Variants in SMYD3 observed in about 807,000 individuals in gnomAD.
SMYD3 encodes the protein histone-lysine N-methyltransferase SMYD3.
SMYD3 carries 36 observed loss-of-function variants against 57.7 expected under a neutral mutation model. The ratio of observed to expected loss-of-function variants is 0.62; its 90% confidence interval spans 0.48 to 0.82. The LOEUF is 0.82. Ranked by LOEUF, SMYD3 falls within the 40% of genes least tolerant of loss-of-function variation. The probability of loss-of-function intolerance (pLI) is 0.00; values close to 1 mark genes in which losing one functional copy is unlikely to be tolerated. For missense variants in SMYD3, 515 were observed against 538.8 expected, an observed-to-expected ratio of 0.96 and a Z score of 0.44; for synonymous variants, 211 against 195.0, an observed-to-expected ratio of 1.08 and a Z score of -0.68.
intron 10 of SMYD3, among the ~76,000 whole-genome samples, chr1:245,775,689 A>T (rs567619425): frequency 1.3e-5 from 2 of 150,992 alleles, no homozygotes; most frequent in East Asian, 3.9e-4. Flanking sequence ...CTCTCCGAGA[A>T]ACACCCAAGA....
intron 1 of SMYD3, among the ~76,000 whole-genome samples, chr1:246,363,306 A>G (rs2066036243): frequency 6.7e-6 from 1 of 148,516 alleles, no homozygotes; most frequent in Non-Finnish European, 1.5e-5. Flanking sequence ...TGGGGGGGTC[A>G]GCCCCCCGCC....
At chr1:246,502,654 T>C (rs2068475482) in intron 1 of SMYD3, among the ~76,000 whole-genome samples, 1 of 152,138 alleles carries the variant, frequency 6.6e-6, no homozygotes, top group African/African-American at 2.4e-5. Flanking sequence ...CCCTCCAAGG[T>C]CTTATCGGAC....
intron 5 of SMYD3, among the ~76,000 whole-genome samples, chr1:246,318,705 T>C (rs1023649503): frequency 1.3e-5 from 2 of 152,220 alleles, no homozygotes; most frequent in African/African-American, 4.8e-5. Flanking sequence ...TGGCAAGTTA[T>C]ACACTTAAAT....
In SMYD3 at chr1:246,168,731, C is replaced by A. The variant is rs190617905; in HGVS notation, c.531+158470G>T. ...TGCCCACACACAAAAATTCGTTGCACCCGGAGGAATCATGTCAAGCAGTCC... is the reference window on the plus strand; with the variant it reads ...TGCCCACACACAAAAATTCGTTGCAACCGGAGGAATCATGTCAAGCAGTCC... On this transcript the variant is annotated intron_variant, in intron 5 of 11. Transcript: ENST00000490107. Among the ~76,000 whole-genome samples the A allele has an allele frequency of 6.9e-4, 105 of 152,214 alleles. No homozygotes were observed. In the East Asian group the frequency reaches 0.02, roughly 29 times the overall value.
rs747136156 is a variant in SMYD3, at chr1:245,858,580, A to G, written c.992T>C (p.Leu331Pro). The change falls in exon 10 of 12, where the codon CTC becomes CCC. Residue 331 changes from leucine (L) to proline (P), a missense_variant. By Grantham distance (98) the Leu-to-Pro change is moderately conservative. Transcript: ENST00000490107. ...GATGCAGGCATCCATGGCGCAGTCG[A>G]GCACCTTCAGCTGGTAGATGTTGAT... The part of the protein sequence containing the change: ...PDINIYQLKV[L>P]DCAMDACINL... 6.2e-7 allele frequency: 1 copy of G among 1,614,216 alleles called. No homozygotes were observed. The highest frequency in any genetic ancestry group is 1.3e-5 in the African/African-American group (1 of 75,066).
chr1:246,462,923 G>C (rs2067824776), intron 1 of SMYD3, among the ~76,000 whole-genome samples: 1 of 152,114 alleles, frequency 6.6e-6, no homozygotes, highest in Non-Finnish European at 1.5e-5. Context: ...ACATCTAAGA[G>C]GCTGTGGCAG....
chr1:246,219,826 T>C (rs974344977), intron 5 of SMYD3, among the ~76,000 whole-genome samples: 1 of 152,060 alleles, frequency 6.6e-6, no homozygotes. Flanking sequence ...CTCACACACC[T>C]GCATGCCTCC....
At chr1:246,105,787 G>A (rs10802332) in intron 5 of SMYD3, among the ~76,000 whole-genome samples, 5 of 151,952 alleles carry the variant, frequency 3.3e-5, no homozygotes. Flanking sequence ...GGCTTTCCAC[G>A]GTTAATCAAA....
rs549881569 is a variant in SMYD3, at chr1:246,428,608, A to G, written c.165-73514T>C. On this transcript the variant is annotated intron_variant, in intron 1 of 11. Transcript: ENST00000490107. Reference sequence around the variant, plus strand: ...AGAGCATCTATTACATTTGCCCAGCATGCCACAGTTAGTGAGTAGCAGAGC... The same window carrying G: ...AGAGCATCTATTACATTTGCCCAGCGTGCCACAGTTAGTGAGTAGCAGAGC... 7.2e-4 allele frequency among the ~76,000 whole-genome samples: 109 copies of G among 152,372 alleles called. 1 individual carries two copies. Among genetic ancestry groups the G allele is most frequent in the African/African-American group, 2.5e-3 (106 of 41,590 alleles).
intron 10 of SMYD3, among the ~76,000 whole-genome samples, chr1:245,798,088 T>G (rs1328237739): frequency 7.2e-6 from 1 of 139,094 alleles, no homozygotes; most frequent in African/African-American, 3.1e-5. Flanking sequence ...GAAACATTCT[T>G]ATTTTTTTTT....
intron 1 of SMYD3, among the ~76,000 whole-genome samples, chr1:246,441,589 C>T (rs1050574977): frequency 2.0e-5 from 3 of 152,064 alleles, no homozygotes; most frequent in African/African-American, 7.2e-5. Flanking sequence ...ATTTTAGGGG[C>T]TAATGCCTAT....
chr1:246,022,804 GGGA>G (rs2059496131), intron 5 of SMYD3, among the ~76,000 whole-genome samples: 1 of 152,176 alleles, frequency 6.6e-6, no homozygotes, highest in African/African-American at 2.4e-5. Flanking sequence ...AGGAGTGGCT[GGGA>G]GGAGAAGGCT....
intron 1 of SMYD3, among the ~76,000 whole-genome samples, chr1:246,401,322 C>G (rs186702464): frequency 7.9e-5 from 12 of 152,192 alleles, no homozygotes; most frequent in Non-Finnish European, 1.5e-4. Flanking sequence ...CACAGCAAGA[C>G]CCCATCTCTA....
chr1:246,041,179 G>A (rs1477825339), intron 5 of SMYD3, among the ~76,000 whole-genome samples: 3 of 152,160 alleles, frequency 2.0e-5, no homozygotes, highest in Admixed American at 1.3e-4. Context: ...GTGTATAGTG[G>A]GCTATACCAT....
chr1:245,867,555 C>A (rs1314277855), intron 8 of SMYD3, among the ~76,000 whole-genome samples: 2 of 152,068 alleles, frequency 1.3e-5, no homozygotes, highest in Admixed American at 6.6e-5. Context: ...CTGTTCTAGG[C>A]AGTAGGGATA....
At position 246,473,666 on chromosome 1, in the gene SMYD3, C is replaced by T. The variant is rs144013904; in HGVS notation, c.164+33388G>A. Among the ~76,000 whole-genome samples the T allele has an allele frequency of 2.7e-3, 412 of 152,280 alleles. 4 individuals are homozygous for T. The highest frequency in any genetic ancestry group is 9.6e-3 in the African/African-American group (398 of 41,554). ...CTGGTGATCTAAAAGCCATTTATGA[C>T]ATATTGTTATTATTATGACTTACTG... is the stretch of plus-strand genomic sequence containing the variant. On this transcript the variant is annotated intron_variant, in intron 1 of 11. Coordinates refer to ENST00000490107, the MANE Select transcript of SMYD3 (RefSeq NM_001167740.2).
At chr1:245,772,691 G>T (rs2046385208) in intron 10 of SMYD3, among the ~76,000 whole-genome samples, 1 of 152,064 alleles carries the variant, frequency 6.6e-6, no homozygotes, top group Admixed American at 6.5e-5. Context: ...TTTAGAAGTA[G>T]GGTTTTCTTA....
At chr1:245,994,745 T>C (rs1160500410) in intron 5 of SMYD3, among the ~76,000 whole-genome samples, 1 of 151,900 alleles carries the variant, frequency 6.6e-6, no homozygotes, top group Non-Finnish European at 1.5e-5. Context: ...TATGTGCGGA[T>C]CACAGTACTA....
At chr1:246,246,524 G>A (rs2063707103) in intron 5 of SMYD3, among the ~76,000 whole-genome samples, 1 of 152,090 alleles carries the variant, frequency 6.6e-6, no homozygotes, top group Non-Finnish European at 1.5e-5. Context: ...TAAAACTTTT[G>A]AAGAGTGAAT....
Sources: allele counts gnomAD v4.1 joint callset (sites outside exome capture counted in the v4.1 genomes callset), GRCh38; gene constraint gnomAD v4.1.1; transcripts MANE v1.5; gene names NCBI Gene and HGNC (gene_info 2026-07-23, HGNC 2026-07-21).